DCUN1D4: variants seen among roughly 807,000 people sequenced by gnomAD.
DCUN1D4 encodes the protein defective in cullin neddylation 1 domain containing 4, also known as DCN1-like protein 4.
DCUN1D4 carries 22 observed loss-of-function variants against 47.9 expected under a neutral mutation model. That is an observed-to-expected ratio of 0.46 (90% CI 0.33 to 0.66). The LOEUF is 0.66. Ranked by LOEUF, DCUN1D4 falls within the 30% of genes least tolerant of loss-of-function variation. DCUN1D4 has a pLI of 0.02. For synonymous variants in DCUN1D4, 121 were observed against 112.2 expected (o/e 1.08, Z -0.50); for missense variants, 301 against 340.8 (o/e 0.88, Z 0.92).
intron 9 of DCUN1D4, among the ~76,000 whole-genome samples, chr4:51,913,032 T>TGG (rs1349325421): frequency 1.3e-5 from 2 of 152,198 alleles, no homozygotes; most frequent in Non-Finnish European, 2.9e-5. Flanking sequence ...TTTTCACTTC[T>TGG]GGGGATATAT....
chr4:51,882,700 G>A (rs1352581542), intron 5 of DCUN1D4, among the ~76,000 whole-genome samples: 1 of 152,126 alleles, frequency 6.6e-6, no homozygotes, highest in African/African-American at 2.4e-5. Context: ...CCGGCAGGCA[G>A]AGCTTGCAGT....
chr4:51,838,570 T>G (rs1299042240), upstream of DCUN1D4, among the ~76,000 whole-genome samples: 1 of 152,008 alleles, frequency 6.6e-6, no homozygotes, highest in Non-Finnish European at 1.5e-5. Flanking sequence ...TTTGTAGAGA[T>G]AGGGTCTCCC....
chr4:51,846,891 C>T (rs748751606), intron 1 of DCUN1D4, among the ~76,000 whole-genome samples: 2 of 152,104 alleles, frequency 1.3e-5, no homozygotes, highest in African/African-American at 4.8e-5. Context: ...GTATGGTTGC[C>T]GTAGCACCAG....
the DCUN1D4 span, among the ~76,000 whole-genome samples, chr4:51,837,654 CAAAAAAAAAAAAAAAAAA>C: frequency 8.7e-5 from 4 of 46,180 alleles, no homozygotes; most frequent in East Asian, 2.0e-3. Context: ...GACTCCGTCT[CAAAAAAAAAAAAAAAAAA>C]AAAAAAAAAA....
At chr4:51,843,147 G>C, upstream of DCUN1D4, 1 of 1,509,474 alleles carries the variant, frequency 6.6e-7, no homozygotes, top group Non-Finnish European at 8.9e-7. Context: ...CCGGCGGCGG[G>C]TCCTCAGCTT....
At chr4:51,869,048 C>CG (rs1164686789) in intron 3 of DCUN1D4, among the ~76,000 whole-genome samples, 1 of 132,974 alleles carries the variant, frequency 7.5e-6, no homozygotes, top group Non-Finnish European at 1.5e-5. Flanking sequence ...AATCTGGACC[C>CG]GGGGGGCCGA....
chr4:51,860,498 T>C, intron 1 of DCUN1D4: 1 of 443,972 alleles, frequency 2.3e-6, no homozygotes, highest in South Asian at 1.6e-5. Context: ...TGAGACTGGG[T>C]AATTTATAAA....
chr4:51,855,629 G>A (rs578178102), intron 1 of DCUN1D4, among the ~76,000 whole-genome samples: 55 of 152,354 alleles, frequency 3.6e-4, no homozygotes, highest in African/African-American at 1.3e-3. Flanking sequence ...CACGAATTGT[G>A]TGGCTAGAAT....
At chr4:51,869,903 A>G (rs1011086494) in intron 3 of DCUN1D4, among the ~76,000 whole-genome samples, 4 of 152,220 alleles carry the variant, frequency 2.6e-5, no homozygotes, top group Non-Finnish European at 5.9e-5. Flanking sequence ...TTCTCTTGAA[A>G]CACTGAACCC....
At chr4:51,840,874 A>G (rs1721615082), upstream of DCUN1D4, among the ~76,000 whole-genome samples, 3 of 152,198 alleles carry the variant, frequency 2.0e-5, no homozygotes, top group Admixed American at 2.0e-4. Flanking sequence ...TCCTTAGGCT[A>G]TAGCTGACTC....
In DCUN1D4 at chr4:51,913,400, C is replaced by G; in HGVS notation, c.823+8C>G. The G allele has an allele frequency of 3.7e-6, 6 of 1,602,728 alleles. No individual in the cohort carries two copies. The highest frequency in any genetic ancestry group is 5.1e-6 in the Non-Finnish European group (6 of 1,170,614). ...ATGATGAAGATGGAGCATGTAAGTA[C>G]TGCCGCTACCATTCTGCCATTCGTG... On this transcript the variant is annotated splice_region_variant and intron_variant, in intron 10 of 10. Transcript: ENST00000334635.
rs141684623 is a variant in DCUN1D4, at chr4:51,896,237, C to G, written c.507-3033C>G. Among the ~76,000 whole-genome samples the G allele has an allele frequency of 6.6e-5, 10 of 152,324 alleles. No homozygotes were observed. The East Asian group carries it at 1.9e-3, about 29-fold the overall frequency. On this transcript the variant is annotated intron_variant, in intron 7 of 10. Coordinates refer to ENST00000334635, the MANE Select transcript of DCUN1D4 (RefSeq NM_001040402.3). ...TCAGACAGGATCTCTGAGCATCTTT[C>G]AAACATAGGGACATCTTTTTGCCAG...
rs368141385 is a variant in DCUN1D4 at position 51,913,565 on chromosome 4, A to C, written c.860A>C (p.Lys287Thr). The change falls in exon 11 of 11, where the codon AAA becomes ACA. Residue 287 changes from lysine to threonine, a missense_variant. Lys to Thr is a moderately conservative substitution (Grantham distance 78). Around this residue, in one of 2 missense-constraint regions of DCUN1D4, gnomAD observed 170 missense variants for 234.5 expected, o/e 0.73. Coordinates refer to ENST00000334635, the MANE Select transcript of DCUN1D4 (RefSeq NM_001040402.3). ...VLLDEFVEWYKDKQMS is the reference protein window; with the variant it reads ...VLLDEFVEWYTDKQMS The stretch of plus-strand genomic sequence containing the variant: ...TTGGACGAGTTTGTGGAGTGGTATA[A>C]AGACAAACAGATGTCCTAGGACTTT... 3 of 1,612,860 alleles carry C rather than the reference A, an allele frequency of 1.9e-6. No homozygotes were observed. In the African/African-American group the frequency reaches 4.0e-5, roughly 22 times the overall value.
At chr4:51,835,873 G>T in the DCUN1D4 span, among the ~76,000 whole-genome samples, 7 of 152,228 alleles carry the variant, frequency 4.6e-5, no homozygotes, top group African/African-American at 1.7e-4. Flanking sequence ...ATCTATTCTT[G>T]GCATTTCATC....
intron 3 of DCUN1D4, among the ~76,000 whole-genome samples, chr4:51,869,175 A>AT (rs1394304674): frequency 8.2e-6 from 1 of 122,264 alleles, no homozygotes; most frequent in African/African-American, 4.5e-5. Context: ...AAATAAAAAA[A>AT]ATAAAAAAAA....
At chr4:51,843,948 T>G (rs6820927) in intron 1 of DCUN1D4, among the ~76,000 whole-genome samples, 45,836 of 101,856 alleles carry the variant, frequency 0.45, 10,911 homozygotes, top group African/African-American at 0.72. Context: ...TGGGGAGTCC[T>G]GCGGGGCGGG....
At chr4:51,876,251 G>A (rs1344832720) in intron 4 of DCUN1D4, among the ~76,000 whole-genome samples, 2 of 152,134 alleles carry the variant, frequency 1.3e-5, no homozygotes, top group East Asian at 3.9e-4. Flanking sequence ...AAAATGATGA[G>A]TTCATGTCCT....
At chr4:51,859,252 G>A (rs544219173) in intron 1 of DCUN1D4, among the ~76,000 whole-genome samples, 14 of 151,994 alleles carry the variant, frequency 9.2e-5, no homozygotes, top group Non-Finnish European at 1.5e-4. Flanking sequence ...AACTTTAATT[G>A]TTCATTCTGA....
chr4:51,854,976 C>A (rs2109844522), intron 1 of DCUN1D4, among the ~76,000 whole-genome samples: 1 of 152,238 alleles, frequency 6.6e-6, no homozygotes, highest in South Asian at 2.1e-4. Flanking sequence ...CTGAAGAAAT[C>A]TGAAATCTGA....
Sources: allele counts gnomAD v4.1 joint callset (sites outside exome capture counted in the v4.1 genomes callset), GRCh38; gene constraint gnomAD v4.1.1; regional missense constraint gnomAD v4.1.1; transcripts MANE v1.5; gene names NCBI Gene and HGNC (gene_info 2026-07-23, HGNC 2026-07-21).